EVL: variants seen among roughly 807,000 people sequenced by gnomAD.
EVL encodes the protein Enah/Vasp-like, also known as ena/VASP-like protein.
A neutral mutation model predicts 59.6 loss-of-function variants in EVL; 21 were observed. That is an observed-to-expected ratio of 0.35 (90% CI 0.25 to 0.51). The LOEUF (loss-of-function observed/expected upper bound fraction) is 0.51, where lower values mean the gene tolerates loss of function less well. EVL is among the 20% of genes least tolerant of loss of function. The pLI is 0.97. For synonymous variants in EVL, 198 were observed against 203.5 expected (o/e 0.97, Z 0.23); for missense variants, 462 against 546.6 (o/e 0.85, Z 1.54).
chr14:100,006,009 T>TCCCC (rs58699616), intron 1 of EVL, among the ~76,000 whole-genome samples: 2 of 114,800 alleles, frequency 1.7e-5, no homozygotes, highest in African/African-American at 3.2e-5. Context: ...GCTGGCCATT[T>TCCCC]CCCCCCCCCC....
intron 1 of EVL, among the ~76,000 whole-genome samples, chr14:100,000,171 G>C (rs193270657): frequency 1.3e-5 from 2 of 152,170 alleles, no homozygotes; most frequent in African/African-American, 2.4e-5. Flanking sequence ...TCCTGACAAC[G>C]TGTGCCCAAG....
chr14:100,067,714 A>G (rs1316164132), intron 1 of EVL, among the ~76,000 whole-genome samples: 2 of 152,210 alleles, frequency 1.3e-5, no homozygotes, highest in African/African-American at 4.8e-5. Context: ...CTGACCACAG[A>G]TGCTTTGCCC....
intron 8 of EVL, among the ~76,000 whole-genome samples, chr14:100,134,188 T>TC (rs1219857511): frequency 1.3e-5 from 2 of 152,210 alleles, no homozygotes; most frequent in African/African-American, 4.8e-5. Context: ...GCCATGAATT[T>TC]CTGAAATTGC....
At chr14:100,002,141 C>T (rs535574385) in intron 1 of EVL, among the ~76,000 whole-genome samples, 1 of 152,262 alleles carries the variant, frequency 6.6e-6, no homozygotes, top group South Asian at 2.1e-4. Context: ...CTTCAGTCCA[C>T]TATTAGTTCA....
intron 1 of EVL, among the ~76,000 whole-genome samples, chr14:100,080,108 A>G (rs938862780): frequency 1.1e-4 from 17 of 151,946 alleles, no homozygotes; most frequent in African/African-American, 4.1e-4. Context: ...CAGACATTCA[A>G]AAATGGTCTA....
chr14:100,115,543 T>C (rs1887285443), intron 3 of EVL, among the ~76,000 whole-genome samples: 1 of 152,234 alleles, frequency 6.6e-6, no homozygotes, highest in South Asian at 2.1e-4. Flanking sequence ...CATCTGTAAG[T>C]GATGACCTTC....
chr14:100,139,311 C>G (rs1365030350), intron 11 of EVL: 3 of 152,266 alleles, frequency 2.0e-5, no homozygotes, highest in African/African-American at 4.8e-5. Flanking sequence ...AGCTCTGAGG[C>G]AAATCTGTTC....
chr14:100,099,754 TAGTAGAGACAG>T (rs1886080019), intron 3 of EVL, among the ~76,000 whole-genome samples: 1 of 151,798 alleles, frequency 6.6e-6, no homozygotes, highest in Admixed American at 6.6e-5. Flanking sequence ...AATTTTATTT[TAGTAGAGACAG>T]AGTTTCACTA....
intron 1 of EVL, among the ~76,000 whole-genome samples, chr14:100,073,877 C>T (rs991575179): frequency 1.3e-5 from 2 of 152,156 alleles, no homozygotes; most frequent in African/African-American, 2.4e-5. Context: ...CATGGAGGCA[C>T]TTGCCCCTCA....
At chr14:100,142,814 C>A (rs188097732) in intron 13 of EVL, among the ~76,000 whole-genome samples, 1 of 152,332 alleles carries the variant, frequency 6.6e-6, no homozygotes, top group Non-Finnish European at 1.5e-5. Context: ...CTGGTCACAC[C>A]GCCTTACTGC....
At chr14:100,037,181 A>G (rs868780407) in intron 1 of EVL, among the ~76,000 whole-genome samples, 2 of 152,110 alleles carry the variant, frequency 1.3e-5, no homozygotes, top group Admixed American at 6.5e-5. Context: ...AAAGAAAGAA[A>G]GAAGAAGAAG....
intron 1 of EVL, 102 bp downstream of exon 1, chr14:100,065,613 T>C (rs2061913916): frequency 1.6e-6 from 1 of 617,684 alleles, no homozygotes; most frequent in African/African-American, 1.9e-5. Flanking sequence ...CCCCTTAGTA[T>C]ACTGATCGAG....
At position 100,075,169 on chromosome 14, in the gene EVL, G is replaced by A. The variant is rs535309020; in HGVS notation, c.12-9518G>A. 2.6e-5 allele frequency among the ~76,000 whole-genome samples: 4 copies of A among 152,348 alleles called. No individual in the cohort carries two copies. The East Asian group carries it at 7.7e-4, about 29-fold the overall frequency. ...CAGAGCCAAGCTGCATGGCTGCAGGGGCTCTTCTGAACTAGCAAGTGATGT... is the reference window on the plus strand; with the variant it reads ...CAGAGCCAAGCTGCATGGCTGCAGGAGCTCTTCTGAACTAGCAAGTGATGT... On this transcript the variant is annotated intron_variant, in intron 1 of 13. Coordinates refer to ENST00000392920, the MANE Select transcript of EVL (RefSeq NM_016337.3).
At chr14:100,080,176 G>A (rs917762822) in intron 1 of EVL, among the ~76,000 whole-genome samples, 2 of 151,788 alleles carry the variant, frequency 1.3e-5, no homozygotes, top group Non-Finnish European at 2.9e-5. Flanking sequence ...TGGAAGAATT[G>A]TCTTGGGCCA....
intron 2 of EVL, among the ~76,000 whole-genome samples, chr14:100,088,421 CT>C (rs1332653333): frequency 6.6e-6 from 1 of 152,122 alleles, no homozygotes; most frequent in Non-Finnish European, 1.5e-5. Flanking sequence ...AAATGCGCCC[CT>C]GGGGGATTTT....
chr14:100,018,237 G>T (rs1566970116), intron 1 of EVL, among the ~76,000 whole-genome samples: 1 of 152,186 alleles, frequency 6.6e-6, no homozygotes. Context: ...CTCGGAGAGG[G>T]AGCAGTGAGG....
intron 1 of EVL, among the ~76,000 whole-genome samples, chr14:100,039,794 G>A (rs1243788790): frequency 1.3e-5 from 2 of 151,838 alleles, no homozygotes; most frequent in Non-Finnish European, 2.9e-5. Context: ...GCTGCTTTTT[G>A]TTTTTAATAG....
At position 100,033,883 on chromosome 14, in the gene EVL, A is replaced by T. The variant is rs546669689; in HGVS notation, c.6-50804A>T. ...GACTGCTGTTTTAGTCATACACAAG[A>T]CTTCGTGGGAAAAACAAAACAAAAA... On this transcript the variant is annotated intron_variant, in intron 1 of 13. Transcript: ENST00000402714. 6.0e-4 allele frequency among the ~76,000 whole-genome samples: 91 copies of T among 152,278 alleles called. 1 individual carries two copies. The highest frequency in any genetic ancestry group is 4.5e-3 in the Admixed American group (69 of 15,288).
At chr14:100,076,795 C>T (rs1011298142) in intron 1 of EVL, among the ~76,000 whole-genome samples, 11 of 152,018 alleles carry the variant, frequency 7.2e-5, no homozygotes, top group East Asian at 1.9e-4. Flanking sequence ...AGGGTTGGGT[C>T]GGCTGTGGAC....
Sources: gnomAD v4.1 joint callset for allele counts (sites outside exome capture counted in the v4.1 genomes callset) on GRCh38, gnomAD v4.1.1 for gene constraint, MANE v1.5 for transcripts, NCBI Gene and HGNC (gene_info 2026-07-23, HGNC 2026-07-21) for gene names.